UNC13B: variants seen among roughly 807,000 people sequenced by gnomAD.
UNC13B encodes unc-13 homolog B.
In UNC13B, 144 loss-of-function variants were observed where a neutral mutation model predicts 211.0. The observed-to-expected ratio is 0.68, with a 90% CI of 0.60 to 0.78. The LOEUF (loss-of-function observed/expected upper bound fraction) is 0.78, where lower values mean the gene tolerates loss of function less well. Among genes scored for constraint, UNC13B ranks in the 30% least tolerant of loss-of-function variants. The pLI is 0.00. For synonymous variants in UNC13B, 709 were observed against 725.8 expected (o/e 0.98, Z 0.37); for missense variants, 1,777 against 2,002.0 (o/e 0.89, Z 2.14).
Position 35,313,811 on chromosome 9 carries a change from AT to A in UNC13B, c.9324-84del, listed in dbSNP as rs1274004495. The stretch of plus-strand genomic sequence containing the variant: ...TGTAGGCATGAGTACAAACCATTTT[AT>A]TTTAGACATTTGGCAGTCTTGCCTT... On this transcript the variant is annotated intron_variant, in intron 10 of 39. Transcript: ENST00000635942. 9 of 1,059,880 alleles carry A rather than the reference AT, an allele frequency of 8.5e-6. No homozygotes were observed. In the African/African-American group the frequency reaches 1.4e-4, roughly 16 times the overall value. 65.7% of individuals were successfully genotyped at this position (1,059,880 alleles called of 1,614,324 possible).
chr9:35,178,885 C>CAAAAA (rs35487632), intron 1 of UNC13B, among the ~76,000 whole-genome samples: 25 of 61,072 alleles, frequency 4.1e-4, no homozygotes, highest in Non-Finnish European at 5.1e-4. Flanking sequence ...GAGACAGCCT[C>CAAAAA]AAAAAAAAAA....
At chr9:35,185,619 A>C (rs1822314803) in intron 1 of UNC13B, among the ~76,000 whole-genome samples, 1 of 152,086 alleles carries the variant, frequency 6.6e-6, no homozygotes. Flanking sequence ...ACTCTCTATA[A>C]TCCGAAAATA....
intron 24 of UNC13B, among the ~76,000 whole-genome samples, chr9:35,387,448 G>T (rs1463419871): frequency 1.3e-5 from 2 of 152,116 alleles, no homozygotes; most frequent in African/African-American, 4.8e-5. Flanking sequence ...TTCCTTTTAA[G>T]GTTTCTAAAG....
At chr9:35,251,937 C>T (rs1478893433) in intron 6 of UNC13B, among the ~76,000 whole-genome samples, 1 of 152,236 alleles carries the variant, frequency 6.6e-6, no homozygotes, top group East Asian at 1.9e-4. Flanking sequence ...GCGATCTGCC[C>T]GCCTTGGCCT....
intron 5 of UNC13B, among the ~76,000 whole-genome samples, chr9:35,241,073 T>A (rs1225989179): frequency 1.2e-5 from 1 of 85,460 alleles, no homozygotes; most frequent in Non-Finnish European, 2.5e-5. Context: ...AAAAAAAAAA[T>A]CAGTAATAAC....
chr9:35,369,426 T>C (rs112016074), intron 12 of UNC13B, among the ~76,000 whole-genome samples: 2 of 152,222 alleles, frequency 1.3e-5, no homozygotes, highest in Non-Finnish European at 2.9e-5. Flanking sequence ...GGAGAAGACA[T>C]AGTACATTAA....
At chr9:35,177,537 T>C (rs1255515115) in intron 1 of UNC13B, among the ~76,000 whole-genome samples, 1 of 152,224 alleles carries the variant, frequency 6.6e-6, no homozygotes, top group Non-Finnish European at 1.5e-5. Context: ...TTGATGAGAA[T>C]TACACTCTTA....
intron 6 of UNC13B, among the ~76,000 whole-genome samples, chr9:35,254,941 A>C (rs1301636878): frequency 1.6e-5 from 2 of 122,396 alleles, no homozygotes; most frequent in African/African-American, 6.3e-5. Context: ...AATATATATT[A>C]ATATATGTAT....
chr9:35,370,295 G>A, intron 12 of UNC13B, 23 bp from the exon 13 acceptor site: 1 of 1,611,202 alleles, frequency 6.2e-7, no homozygotes, highest in Non-Finnish European at 8.5e-7. Flanking sequence ...TGACGGTCCT[G>A]ACATATTTTC....
chr9:35,258,203 C>A (rs776027028), intron 6 of UNC13B, among the ~76,000 whole-genome samples: 6 of 152,202 alleles, frequency 3.9e-5, no homozygotes, highest in African/African-American at 7.2e-5. Context: ...CTCCAAATCT[C>A]ATGTTTGCAA....
rs767579393 is a variant in UNC13B, at chr9:35,366,980, T to C, written c.9448T>C (p.Trp3150Arg). ...TGATGGTGACCCCTCTCTGCCTCAG[T>C]GGCTCCCGGAAGGGTAAGTAATTCA... is the stretch of plus-strand genomic sequence containing the variant. ...PDDGDPSLPQ[W>R]LPEGPAGGLY... The change falls in exon 12 of 40, where the codon TGG (tryptophan) becomes CGG (arginine). Residue 3150 changes from tryptophan (W) to arginine (R), a missense_variant. By Grantham distance (101) the Trp-to-Arg change is moderately radical (BLOSUM62 -3). Coordinates refer to ENST00000635942, the MANE Select transcript of UNC13B (RefSeq NM_001371189.2). 14 of 1,613,848 alleles carry C rather than the reference T, an allele frequency of 8.7e-6. No individual in the cohort carries two copies. The African/African-American group carries it at 1.9e-4, about 22-fold the overall frequency.
intron 7 of UNC13B, among the ~76,000 whole-genome samples, chr9:35,278,173 T>C (rs1040782134): frequency 6.6e-6 from 1 of 152,232 alleles, no homozygotes; most frequent in Non-Finnish European, 1.5e-5. Context: ...CTTGTTGTTG[T>C]TGGCCTTCAA....
intron 1 of UNC13B, among the ~76,000 whole-genome samples, chr9:35,200,380 T>C: frequency 6.6e-6 from 1 of 152,214 alleles, no homozygotes; most frequent in Non-Finnish European, 1.5e-5. Flanking sequence ...AAGAAAGTCA[T>C]TGGTAGCTTG....
At chr9:35,352,651 C>T in intron 11 of UNC13B, 2 of 1,232,076 alleles carry the variant, frequency 1.6e-6, no homozygotes, top group South Asian at 4.1e-5. Context: ...AAGGCCCTTG[C>T]TTTCTACTCA....
At chr9:35,295,959 T>G in intron 8 of UNC13B, 29 bp downstream of exon 8, 1 of 1,558,264 alleles carries the variant, frequency 6.4e-7, no homozygotes, top group Non-Finnish European at 8.7e-7. Flanking sequence ...GTACTTTCTC[T>G]TCCTAATATC....
intron 5 of UNC13B, 131 bp downstream of exon 5, chr9:35,237,957 C>G (rs1825604829): frequency 1.0e-6 from 1 of 962,464 alleles, no homozygotes; most frequent in African/African-American, 1.7e-5. Flanking sequence ...CATTCACTCT[C>G]TTTCTCATAA....
intron 7 of UNC13B, among the ~76,000 whole-genome samples, chr9:35,277,162 C>T (rs185282797): frequency 7.3e-4 from 111 of 152,192 alleles, no homozygotes; most frequent in Admixed American, 1.6e-3. Flanking sequence ...CTCATCCCAT[C>T]CAGGTTTTAG....
At chr9:35,343,648 G>A (rs770395171) in intron 11 of UNC13B, among the ~76,000 whole-genome samples, 5 of 152,106 alleles carry the variant, frequency 3.3e-5, no homozygotes, top group Non-Finnish European at 7.4e-5. Flanking sequence ...GTGAAAGAAC[G>A]TAACATTCGA....
chr9:35,213,212 G>A (rs574198230), intron 1 of UNC13B, among the ~76,000 whole-genome samples: 41 of 152,320 alleles, frequency 2.7e-4, no homozygotes, highest in African/African-American at 8.9e-4. Flanking sequence ...ATTTGTAGAT[G>A]AGGCCTTTTG....
Sources: gnomAD v4.1 joint callset for allele counts (sites outside exome capture counted in the v4.1 genomes callset) on GRCh38, gnomAD v4.1.1 for gene constraint, MANE v1.5 for transcripts, NCBI Gene and HGNC (gene_info 2026-07-23, HGNC 2026-07-21) for gene names.